Variants in PCDH15 observed in about 807,000 individuals in gnomAD.
PCDH15 encodes the protein protocadherin related 15, also known as protocadherin-15.
A neutral mutation model predicts 178.5 loss-of-function variants in PCDH15; 129 were observed. The ratio of observed to expected loss-of-function variants is 0.72; its 90% CI spans 0.63 to 0.84. The LOEUF is 0.84. PCDH15 is among the 40% of genes least tolerant of loss of function. The probability of loss-of-function intolerance (pLI) is 0.00; values close to 1 mark genes in which losing one functional copy is unlikely to be tolerated. For synonymous variants in PCDH15, 800 were observed against 732.0 expected, an observed-to-expected ratio of 1.09 and a Z score of -1.50; for missense variants, 2,230 against 2,099.9, an observed-to-expected ratio of 1.06 and a Z score of -1.21.
intron 1 of PCDH15, among the ~76,000 whole-genome samples, chr10:54,738,816 C>T (rs10825388): frequency 0.35 from 53,197 of 151,736 alleles, 9,673 homozygotes; most frequent in Middle Eastern, 0.46. Context: ...AAAAGGCATT[C>T]CATAAAATCC....
chr10:55,322,740 A>C (rs1843930777), upstream of PCDH15, among the ~76,000 whole-genome samples: 1 of 151,254 alleles, frequency 6.6e-6, no homozygotes, highest in African/African-American at 2.4e-5. Context: ...CAAAGGGTTC[A>C]AGAGGAAGCA....
chr10:54,075,793 AT>A (rs2094332348), intron 17 of PCDH15, among the ~76,000 whole-genome samples: 1 of 152,102 alleles, frequency 6.6e-6, no homozygotes, highest in Non-Finnish European at 1.5e-5. Flanking sequence ...TTTCTATTAA[AT>A]TACATTGGCC....
upstream of PCDH15, among the ~76,000 whole-genome samples, chr10:54,805,166 A>C (rs138590122): frequency 2.7e-3 from 412 of 151,888 alleles, 2 homozygotes; most frequent in African/African-American, 9.5e-3. Context: ...TGTCTTTGAG[A>C]AAGGAAGACA....
chr10:55,491,505 T>A (rs999576122), intron 2 of PCDH15, among the ~76,000 whole-genome samples: 12 of 151,586 alleles, frequency 7.9e-5, no homozygotes, highest in Non-Finnish European at 1.8e-4. Context: ...CTTTACCTAG[T>A]TAGTGGGGAG....
intron 3 of PCDH15, among the ~76,000 whole-genome samples, chr10:54,836,391 A>C (rs1953316975): frequency 6.6e-6 from 1 of 152,140 alleles, no homozygotes; most frequent in African/African-American, 2.4e-5. Flanking sequence ...ATACACACCC[A>C]CACCCACACT....
intron 1 of PCDH15, among the ~76,000 whole-genome samples, chr10:54,709,872 C>T (rs1454079493): frequency 2.1e-5 from 3 of 143,714 alleles, no homozygotes; most frequent in African/African-American, 7.4e-5. Context: ...GAATTTTCCA[C>T]TCATGCAATT....
intron 1 of PCDH15, among the ~76,000 whole-genome samples, chr10:54,736,047 G>A (rs568587087): frequency 7.1e-4 from 108 of 151,912 alleles, no homozygotes; most frequent in African/African-American, 2.3e-3. Flanking sequence ...CTTTCTGAAT[G>A]TCAAGATCTC....
At chr10:54,952,732 A>T (rs2131876132) in intron 2 of PCDH15, among the ~76,000 whole-genome samples, 1 of 151,764 alleles carries the variant, frequency 6.6e-6, no homozygotes, top group Admixed American at 6.6e-5. Flanking sequence ...TTTTTTACCC[A>T]AGTATTTCAT....
chr10:53,910,907 G>T (rs1237242792), intron 25 of PCDH15, among the ~76,000 whole-genome samples: 1 of 152,134 alleles, frequency 6.6e-6, no homozygotes, highest in East Asian at 1.9e-4. Flanking sequence ...GGAAAAAAGG[G>T]TGCCAGAGAT....
chr10:54,496,736 T>A (rs1400496435), intron 3 of PCDH15, among the ~76,000 whole-genome samples: 1 of 152,142 alleles, frequency 6.6e-6, no homozygotes, highest in Non-Finnish European at 1.5e-5. Context: ...TCTCAGCCTC[T>A]CAATACTTCC....
intron 3 of PCDH15, among the ~76,000 whole-genome samples, chr10:54,818,411 T>G (rs973800955): frequency 6.6e-6 from 1 of 152,070 alleles, no homozygotes; most frequent in Non-Finnish European, 1.5e-5. Flanking sequence ...CTGTCACTTT[T>G]CTTATTAAGA....
chr10:55,095,133 G>A (rs1842419082), intron 2 of PCDH15, among the ~76,000 whole-genome samples: 1 of 151,346 alleles, frequency 6.6e-6, no homozygotes, highest in South Asian at 2.1e-4. Flanking sequence ...GTAGAGACGT[G>A]GTCTCCTTAT....
chr10:54,108,464 T>C (rs1357460271), intron 15 of PCDH15, among the ~76,000 whole-genome samples: 1 of 152,148 alleles, frequency 6.6e-6, no homozygotes, highest in East Asian at 1.9e-4. Flanking sequence ...CAGAGGAGAA[T>C]AACCCAAACC....
At chr10:53,822,003 A>AGAT in intron 32 of PCDH15, 1 of 1,613,914 alleles carries the variant, frequency 6.2e-7, no homozygotes, top group Non-Finnish European at 8.5e-7. Context: ...ATTTGTGCGT[A>AGAT]GATAGTTTTT....
intron 18 of PCDH15, among the ~76,000 whole-genome samples, chr10:54,036,136 A>G (rs1166812702): frequency 5.3e-5 from 8 of 151,972 alleles, no homozygotes; most frequent in Non-Finnish European, 8.8e-5. Context: ...TCTCCATAAC[A>G]TAAAAGTGCA....
intron 5 of PCDH15, among the ~76,000 whole-genome samples, chr10:54,356,939 G>A (rs572524804): frequency 1.4e-4 from 22 of 152,096 alleles, no homozygotes; most frequent in Non-Finnish European, 3.1e-4. Context: ...ATGCAGAAAA[G>A]GCCTTTGACA....
At chr10:54,784,384 T>C (rs1950649681) in intron 1 of PCDH15, among the ~76,000 whole-genome samples, 1 of 151,010 alleles carries the variant, frequency 6.6e-6, no homozygotes, top group East Asian at 1.9e-4. Context: ...TAGGGGAATT[T>C]TTACCAGACT....
At chr10:54,443,953 A>G (rs1420717192) in intron 3 of PCDH15, among the ~76,000 whole-genome samples, 1 of 151,690 alleles carries the variant, frequency 6.6e-6, no homozygotes, top group Non-Finnish European at 1.5e-5. Flanking sequence ...GTTTACATAC[A>G]CATGTTTAAA....
intron 2 of PCDH15, among the ~76,000 whole-genome samples, chr10:55,010,892 A>G (rs1362197558): frequency 6.6e-6 from 1 of 152,114 alleles, no homozygotes; most frequent in Non-Finnish European, 1.5e-5. Flanking sequence ...GCTGTTAGCA[A>G]TAGTGCTTCC....
Sources: allele counts gnomAD v4.1 joint callset (sites outside exome capture counted in the v4.1 genomes callset), GRCh38; gene constraint gnomAD v4.1.1; transcripts MANE v1.5; gene names NCBI Gene and HGNC (gene_info 2026-07-23, HGNC 2026-07-21).